NLRP14: variants seen among roughly 807,000 people sequenced by gnomAD.
NLRP14 encodes the protein NLR family pyrin domain containing 14, also known as NACHT, LRR and PYD domains-containing protein 14.
In NLRP14, 105 loss-of-function variants were observed where a neutral mutation model predicts 94.7. The ratio of observed to expected loss-of-function variants is 1.11; its 90% CI spans 0.95 to 1.30. The LOEUF (loss-of-function observed/expected upper bound fraction) is 1.30, where lower values mean the gene tolerates loss of function less well. Ranked by LOEUF, NLRP14 falls within the 50% of genes most tolerant of loss-of-function variation. The pLI is 0.00. For missense variants in NLRP14, 1,362 were observed against 1,254.1 expected (o/e 1.09, Z -1.30); for synonymous variants, 508 against 459.9 (o/e 1.10, Z -1.34).
At position 7,049,706 on chromosome 11, in the gene NLRP14, A is replaced by G; in HGVS notation, c.2159A>G (p.Asp720Gly). ...ATCACTTTCCCTGATGGTTGTCAGG[A>G]TATCTCTACTTCTTTGATTCATAAC... is the stretch of plus-strand genomic sequence containing the variant. ...KFITFPDGCQDISTSLIHNKN... is the reference protein window; with the variant it reads ...KFITFPDGCQGISTSLIHNKN... Residue 720 changes from aspartate (D) to glycine (G), a missense_variant, in exon 6 of 12, where the codon GAT becomes GGT. Coordinates refer to ENST00000299481, the MANE Select transcript of NLRP14 (RefSeq NM_176822.4). 1 of 1,612,954 alleles carries G rather than the reference A, an allele frequency of 6.2e-7. No homozygotes were observed. Among genetic ancestry groups the G allele is most frequent in the Non-Finnish European group, 8.5e-7 (1 of 1,178,976 alleles).
rs767663966 is a variant in NLRP14 at position 7,042,663 on chromosome 11, G to GT, written c.643dup (p.Tyr215LeufsTer8). 7 of 1,614,110 alleles carry GT rather than the reference G, an allele frequency of 4.3e-6. No homozygotes were observed. Among genetic ancestry groups the GT allele is most frequent in the East Asian group, 2.2e-5 (1 of 44,900 alleles). ...TCTCTACCAGCAGAGGTTTAAGTAT[G>GT]TTTTTTATCTCAATGGGAGAGAAAT... is the stretch of plus-strand genomic sequence containing the variant. On this transcript the variant is annotated frameshift_variant, in exon 4 of 12. Coordinates refer to ENST00000299481, the MANE Select transcript of NLRP14 (RefSeq NM_176822.4). LOFTEE classifies it high-confidence loss of function.
intron 11 of NLRP14, 32 bp from the exon 12 acceptor site, chr11:7,071,141 G>T: frequency 6.2e-7 from 1 of 1,613,382 alleles, no homozygotes; most frequent in South Asian, 1.1e-5. Context: ...GAAATTGAAT[G>T]CAGGAAAAGA....
chr11:7,090,219 C>G, the NLRP14 span: 3 of 1,611,958 alleles, frequency 1.9e-6, no homozygotes, highest in Non-Finnish European at 2.5e-6. Flanking sequence ...TTCTTACAGC[C>G]GGTCAGGCTG....
rs764941308 is a variant in NLRP14 at position 7,070,305 on chromosome 11, A to T, written c.2995A>T (p.Thr999Ser). 6.2e-7 allele frequency: 1 copy of T among 1,611,956 alleles called. No homozygotes were observed. Among genetic ancestry groups the T allele is most frequent in the South Asian group, 1.1e-5 (1 of 91,052 alleles). The change falls in exon 11 of 12, where the codon ACA (threonine) becomes TCA (serine). Residue 999 changes from threonine (T) to serine (S), a missense_variant. Thr to Ser is a moderately conservative substitution (Grantham distance 58). Transcript: ENST00000299481. Reference sequence around the variant, plus strand: ...CTACAGGTTGGAATACTGTGGTTTGACATCTCTCTGCTGTCAAGATCTCTC... The same window carrying T: ...CTACAGGTTGGAATACTGTGGTTTGTCATCTCTCTGCTGTCAAGATCTCTC... ...QRLGLEYCGL[T>S]SLCCQDLSSA...
At chr11:7,084,889 G>A in the NLRP14 span, among the ~76,000 whole-genome samples, 1 of 152,162 alleles carries the variant, frequency 6.6e-6, no homozygotes. Context: ...GGGTAATCTT[G>A]TAGAAATAAG....
intron 1 of NLRP14, among the ~76,000 whole-genome samples, chr11:7,034,960 C>CT (rs1852141398): frequency 6.6e-6 from 1 of 152,182 alleles, no homozygotes; most frequent in African/African-American, 2.4e-5. Context: ...GCTATCTACT[C>CT]TTTTTCTTTG....
chr11:7,085,204 A>G, the NLRP14 span, among the ~76,000 whole-genome samples: 1 of 152,374 alleles, frequency 6.6e-6, no homozygotes, highest in East Asian at 1.9e-4. Context: ...GGTGTTCACC[A>G]TCTTAACCTG....
At chr11:7,036,358 A>C (rs79185014) in intron 1 of NLRP14, among the ~76,000 whole-genome samples, 1 of 152,206 alleles carries the variant, frequency 6.6e-6, no homozygotes, top group African/African-American at 2.4e-5. Context: ...AGGAGACTAT[A>C]GTATATTCTA....
chr11:7,051,784 G>A (rs1425279984), intron 6 of NLRP14, among the ~76,000 whole-genome samples: 4 of 151,954 alleles, frequency 2.6e-5, no homozygotes, highest in African/African-American at 4.8e-5. Flanking sequence ...CACCATGCCC[G>A]GCTTATTTTT....
rs747126634 is a variant in NLRP14 at position 7,038,884 on chromosome 11, T to G, written c.289+9T>G. On this transcript the variant is annotated intron_variant, in intron 2 of 11. Coordinates refer to ENST00000299481, the MANE Select transcript of NLRP14 (RefSeq NM_176822.4). ...GAAAGAAGAGATCAACTGTGAGTGATGCTAGGGGCAAATCGGGGGCTAGGC... is the reference window on the plus strand; with the variant it reads ...GAAAGAAGAGATCAACTGTGAGTGAGGCTAGGGGCAAATCGGGGGCTAGGC... The G allele has an allele frequency of 5.6e-6, 9 of 1,612,638 alleles. No homozygotes were observed. The highest frequency in any genetic ancestry group is 6.8e-6 in the Non-Finnish European group (8 of 1,179,696).
intron 8 of NLRP14, among the ~76,000 whole-genome samples, chr11:7,059,234 T>G (rs2119682541): frequency 6.6e-6 from 1 of 151,064 alleles, no homozygotes; most frequent in Admixed American, 6.6e-5. Flanking sequence ...AATAATTTTC[T>G]TAGCATGTTG....
At chr11:7,051,895 A>G (rs1852446403) in intron 6 of NLRP14, among the ~76,000 whole-genome samples, 1 of 152,230 alleles carries the variant, frequency 6.6e-6, no homozygotes, top group African/African-American at 2.4e-5. Flanking sequence ...TGCTGGGATT[A>G]CAGGCATGAG....
At chr11:7,071,045 T>C (rs1852787963) in intron 11 of NLRP14, 128 bp from the exon 12 acceptor site, 2 of 1,011,702 alleles carry the variant, frequency 2.0e-6, no homozygotes, top group Non-Finnish European at 1.5e-6. Context: ...TCCTCACCCA[T>C]GTTATAATAT....
chr11:7,046,643 T>C (rs2119634705), intron 4 of NLRP14, 25 bp from the exon 5 acceptor site: 1 of 1,606,014 alleles, frequency 6.2e-7, no homozygotes, highest in East Asian at 2.2e-5. Flanking sequence ...GCATTGTTTT[T>C]CTTTTCTCAA....
intron 3 of NLRP14, among the ~76,000 whole-genome samples, chr11:7,040,905 C>T (rs1202019113): frequency 6.6e-6 from 1 of 152,098 alleles, no homozygotes; most frequent in Admixed American, 6.5e-5. Context: ...ATTATTATTT[C>T]AAACCTAATG....
In NLRP14 at chr11:7,057,541, T is replaced by C. The variant is rs909174316; in HGVS notation, c.2292-136T>C. The stretch of plus-strand genomic sequence containing the variant: ...CTTATGCTTTAGTTAAATAACTTTT[T>C]TTCTGTGTAGAGAAGTTGGATTTTT... On this transcript the variant is annotated intron_variant, in intron 6 of 11. Coordinates refer to ENST00000299481, the MANE Select transcript of NLRP14 (RefSeq NM_176822.4). 17 of 784,246 alleles carry C rather than the reference T, an allele frequency of 2.2e-5. No homozygotes were observed. The African/African-American group carries it at 2.7e-4, about 13-fold the overall frequency. 48.6% of individuals were successfully genotyped at this position (784,246 alleles called of 1,614,324 possible).
chr11:7,072,241 A>G (rs879463), downstream of NLRP14, among the ~76,000 whole-genome samples: 1,234 of 152,302 alleles, frequency 8.1e-3, 14 homozygotes, highest in African/African-American at 0.028. Flanking sequence ...TGGCAGCCAG[A>G]TTGCTCTGGA....
chr11:7,078,754 C>T, the NLRP14 span, among the ~76,000 whole-genome samples: 2 of 152,066 alleles, frequency 1.3e-5, no homozygotes, highest in Non-Finnish European at 2.9e-5. Flanking sequence ...CACCATTGCA[C>T]TCCAGCCTGG....
intron 1 of NLRP14, among the ~76,000 whole-genome samples, chr11:7,033,492 A>G (rs530116637): frequency 6.6e-6 from 1 of 152,208 alleles, no homozygotes; most frequent in South Asian, 2.1e-4. Context: ...TTCTTTTTCT[A>G]TTCCTGAATA....
Sources: gnomAD v4.1 joint callset for allele counts (sites outside exome capture counted in the v4.1 genomes callset) on GRCh38, gnomAD v4.1.1 for gene constraint, MANE v1.5 for transcripts, NCBI Gene and HGNC (gene_info 2026-07-23, HGNC 2026-07-21) for gene names.